The following LRRTM4 variants were observed in gnomAD, a reference collection of about 807,000 sequenced individuals.
LRRTM4 encodes leucine rich repeat transmembrane neuronal 4, also known as leucine-rich repeat transmembrane neuronal protein 4.
Under a neutral mutation model 47.6 loss-of-function variants are expected in LRRTM4, and 25 were observed. That is an observed-to-expected ratio of 0.53 (90% confidence interval 0.38 to 0.73). The LOEUF is 0.73. LRRTM4 is among the 30% of genes least tolerant of loss of function. LRRTM4 has a pLI of 0.00. For synonymous variants in LRRTM4, 311 were observed against 269.5 expected, an observed-to-expected ratio of 1.15 and a Z score of -1.51; for missense variants, 638 against 713.4, an observed-to-expected ratio of 0.89 and a Z score of 1.20.
In LRRTM4 at chr2:77,518,558, G is replaced by C; in HGVS notation, c.1311C>G (p.Ala437=). 1 of 1,613,402 alleles carries C rather than the reference G, an allele frequency of 6.2e-7. No individual in the cohort carries two copies. Among genetic ancestry groups the C allele is most frequent in the Non-Finnish European group, 8.5e-7 (1 of 1,179,606 alleles). Reference sequence around the variant, plus strand: ...ACACATAGATCACCAAGAGGATCATGGCCACTGAGAGAAAGAGAGCCACAC... The same window carrying C: ...ACACATAGATCACCAAGAGGATCATCGCCACTGAGAGAAAGAGAGCCACAC... The part of the protein sequence containing the change: ...AGSVALFLSV[A]MILLVIYVSW... Residue 437 remains alanine, a synonymous_variant, in exon 3 of 4, where the codon GCC becomes GCG. Coordinates refer to ENST00000409884, the MANE Select transcript of LRRTM4 (RefSeq NM_001134745.3).
intron 3 of LRRTM4, among the ~76,000 whole-genome samples, chr2:76,968,352 A>G (rs111522383): frequency 0.046 from 4,869 of 105,212 alleles, 291 homozygotes; most frequent in African/African-American, 0.16. Context: ...ATATATATAT[A>G]TATATATATA....
intron 3 of LRRTM4, among the ~76,000 whole-genome samples, chr2:77,053,791 T>C (rs1679515865): frequency 6.6e-6 from 1 of 152,142 alleles, no homozygotes; most frequent in Admixed American, 6.5e-5. Flanking sequence ...AATTTTGAGC[T>C]AAAAGAGATT....
At chr2:77,062,051 C>T (rs770641852) in intron 3 of LRRTM4, among the ~76,000 whole-genome samples, 11 of 152,000 alleles carry the variant, frequency 7.2e-5, no homozygotes, top group South Asian at 2.1e-4. Context: ...CAAATGTGTC[C>T]GGGGCATAGA....
At chr2:77,410,730 A>G (rs1401066736) in intron 3 of LRRTM4, among the ~76,000 whole-genome samples, 2 of 152,230 alleles carry the variant, frequency 1.3e-5, no homozygotes, top group South Asian at 4.1e-4. Context: ...GATGTATATT[A>G]AAATCATCTG....
intron 3 of LRRTM4, among the ~76,000 whole-genome samples, chr2:77,057,677 C>A (rs1023804105): frequency 6.6e-6 from 1 of 152,106 alleles, no homozygotes; most frequent in East Asian, 1.9e-4. Flanking sequence ...AAGTGCCCTT[C>A]CCCTACTCCA....
chr2:77,096,947 A>T (rs1481482893), intron 3 of LRRTM4, among the ~76,000 whole-genome samples: 4 of 151,990 alleles, frequency 2.6e-5, no homozygotes, highest in Non-Finnish European at 5.9e-5. Context: ...CATTCAAAAT[A>T]AAAAAATCCA....
At position 77,274,450 on chromosome 2, in the gene LRRTM4, A is replaced by AT. The variant is rs1573180128; in HGVS notation, c.1551+243867dup. Among the ~76,000 whole-genome samples, 3 of 152,242 alleles carry AT rather than the reference A, an allele frequency of 2.0e-5. No individual in the cohort carries two copies. In the East Asian group the frequency reaches 5.8e-4, roughly 29 times the overall value. ...ACTATCCATATCTCTTATGGGAAGA[A>AT]TTTTTTTATTTAAAGAACTAACAGA... On this transcript the variant is annotated intron_variant, in intron 3 of 3. Transcript: ENST00000409884.
intron 3 of LRRTM4, among the ~76,000 whole-genome samples, chr2:77,120,108 C>T (rs1299170854): frequency 6.6e-6 from 1 of 151,736 alleles, no homozygotes; most frequent in African/African-American, 2.4e-5. Flanking sequence ...CTGGCCTTCA[C>T]AATCATCATT....
intron 3 of LRRTM4, among the ~76,000 whole-genome samples, chr2:77,332,419 T>C (rs575109966): frequency 5.1e-4 from 78 of 152,266 alleles, no homozygotes; most frequent in African/African-American, 1.7e-3. Flanking sequence ...TCCTCTATAA[T>C]TATAAACTTG....
chr2:77,237,546 A>G (rs1457325009), intron 3 of LRRTM4, among the ~76,000 whole-genome samples: 1 of 152,034 alleles, frequency 6.6e-6, no homozygotes, highest in Non-Finnish European at 1.5e-5. Context: ...TTTGGGTCTC[A>G]ATTTCATTGA....
intron 3 of LRRTM4, among the ~76,000 whole-genome samples, chr2:77,091,918 G>T (rs1274842856): frequency 7.0e-6 from 1 of 142,650 alleles, no homozygotes; most frequent in Admixed American, 7.0e-5. Context: ...CCTGGGCATG[G>T]TTAGCGCGGT....
At chr2:77,232,040 A>G (rs17013864) in intron 3 of LRRTM4, among the ~76,000 whole-genome samples, 1,667 of 152,316 alleles carry the variant, frequency 0.011, 33 homozygotes, top group African/African-American at 0.038. Context: ...AAGTTGTTAC[A>G]TGTGTACTAA....
At chr2:77,069,195 C>A (rs1382025016) in intron 3 of LRRTM4, among the ~76,000 whole-genome samples, 1 of 152,180 alleles carries the variant, frequency 6.6e-6, no homozygotes, top group Non-Finnish European at 1.5e-5. Flanking sequence ...TCTTTAATTT[C>A]TCTAGCGCCA....
intron 3 of LRRTM4, among the ~76,000 whole-genome samples, chr2:77,178,395 G>A (rs1473202839): frequency 6.6e-6 from 1 of 152,118 alleles, no homozygotes; most frequent in Non-Finnish European, 1.5e-5. Context: ...AGACCAGCCT[G>A]GCCAACATGG....
chr2:76,890,731 C>A (rs1399327432), intron 3 of LRRTM4, among the ~76,000 whole-genome samples: 1 of 151,784 alleles, frequency 6.6e-6, no homozygotes, highest in East Asian at 1.9e-4. Flanking sequence ...ACGAACATAA[C>A]TGACAACATC....
At chr2:77,143,640 T>C (rs542813902) in intron 3 of LRRTM4, among the ~76,000 whole-genome samples, 1 of 152,304 alleles carries the variant, frequency 6.6e-6, no homozygotes, top group Non-Finnish European at 1.5e-5. Flanking sequence ...AACTGTATCA[T>C]CTGCAAGCCA....
At chr2:77,220,218 T>A (rs1239217101) in intron 3 of LRRTM4, among the ~76,000 whole-genome samples, 1 of 151,938 alleles carries the variant, frequency 6.6e-6, no homozygotes, top group Non-Finnish European at 1.5e-5. Flanking sequence ...GTCACTGTCA[T>A]CAAAGACCAA....
At chr2:76,893,279 T>A (rs1673311737) in intron 3 of LRRTM4, among the ~76,000 whole-genome samples, 1 of 151,642 alleles carries the variant, frequency 6.6e-6, no homozygotes, top group Admixed American at 6.6e-5. Flanking sequence ...GAAATTCTAA[T>A]TTTCAAAAGT....
chr2:77,304,564 G>A (rs1677223140), intron 3 of LRRTM4, among the ~76,000 whole-genome samples: 1 of 152,050 alleles, frequency 6.6e-6, no homozygotes, highest in African/African-American at 2.4e-5. Context: ...TGAGACATAG[G>A]ATGAATAGAA....
Sources: allele counts gnomAD v4.1 joint callset (sites outside exome capture counted in the v4.1 genomes callset), GRCh38; gene constraint gnomAD v4.1.1; transcripts MANE v1.5; gene names NCBI Gene and HGNC (gene_info 2026-07-23, HGNC 2026-07-21).